The following SDK1 variants were observed in gnomAD, a reference collection of about 807,000 sequenced individuals.
SDK1 encodes sidekick cell adhesion molecule 1.
A neutral mutation model predicts 245.5 loss-of-function variants in SDK1; 157 were observed. The ratio of observed to expected loss-of-function variants is 0.64; its 90% CI spans 0.56 to 0.73. The LOEUF is 0.73. Ranked by LOEUF, SDK1 falls within the 30% of genes least tolerant of loss-of-function variation. The pLI, the probability that SDK1 is intolerant of heterozygous loss-of-function variation, is 0.00. For synonymous variants in SDK1, 1,647 were observed against 1,278.5 expected (o/e 1.29, Z -6.15); for missense variants, 3,583 against 3,002.3 (o/e 1.19, Z -4.52).
intron 4 of SDK1, among the ~76,000 whole-genome samples, chr7:3,803,708 C>A (rs990027500): frequency 2.7e-5 from 4 of 149,528 alleles, no homozygotes; most frequent in Admixed American, 2.7e-4. Flanking sequence ...TTGTGTTTTG[C>A]AGATATTTTC....
At position 4,201,268 on chromosome 7, in the gene SDK1, C is replaced by A. The variant is rs1783864759; in HGVS notation, c.5099-4611C>A. On this transcript the variant is annotated intron_variant, in intron 35 of 44. Transcript: ENST00000404826. ...TGATTCATTGAGAAGGCCTCCCGAGCTGCAGAGTCACCCAGAATGGAGCCT... is the reference window on the plus strand; with the variant it reads ...TGATTCATTGAGAAGGCCTCCCGAGATGCAGAGTCACCCAGAATGGAGCCT... 7.2e-5 allele frequency among the ~76,000 whole-genome samples: 11 copies of A among 152,330 alleles called. No individual in the cohort carries two copies. The South Asian group carries it at 2.3e-3, about 32-fold the overall frequency.
chr7:3,479,986 C>G lies in SDK1; in HGVS notation c.299-139094C>G, dbSNP rs142537486. Among the ~76,000 whole-genome samples, 539 of 152,142 alleles carry G rather than the reference C, an allele frequency of 3.5e-3. 6 individuals are homozygous for G. Among genetic ancestry groups the G allele is most frequent in the African/African-American group, 0.012 (515 of 41,484 alleles). Reference sequence around the variant, plus strand: ...AGGTACTGTGATAGGCAGAATAATGCCCCCTCACCTGTCCACGCCCAAAGT... The same window carrying G: ...AGGTACTGTGATAGGCAGAATAATGGCCCCTCACCTGTCCACGCCCAAAGT... On this transcript the variant is annotated intron_variant, in intron 1 of 44. Transcript: ENST00000404826.
intron 1 of SDK1, among the ~76,000 whole-genome samples, chr7:3,446,238 T>C (rs192454276): frequency 6.6e-6 from 1 of 152,278 alleles, no homozygotes; most frequent in Non-Finnish European, 1.5e-5. Context: ...GTATGCTGTC[T>C]GTAACCTTGA....
At chr7:4,125,160 A>ATGGATGGG (rs1441333674) in intron 25 of SDK1, among the ~76,000 whole-genome samples, 3 of 146,016 alleles carry the variant, frequency 2.1e-5, no homozygotes, top group Non-Finnish European at 4.5e-5. Flanking sequence ...TTATGGATGG[A>ATGGATGGG]TGGATGGGTG....
intron 1 of SDK1, among the ~76,000 whole-genome samples, chr7:3,302,647 C>G (rs78406837): frequency 0.045 from 6,349 of 141,112 alleles, 429 homozygotes; most frequent in African/African-American, 0.14. Context: ...CCGTAACGTA[C>G]CCCTGCCAGC....
chr7:3,958,327 G>GTT, intron 7 of SDK1: 11 of 249,338 alleles, frequency 4.4e-5, no homozygotes, highest in East Asian at 1.4e-4. Context: ...TACAACCACT[G>GTT]TTTTTTTTTC....
chr7:3,978,582 G>A (rs1176023079), intron 13 of SDK1, among the ~76,000 whole-genome samples: 2 of 152,120 alleles, frequency 1.3e-5, no homozygotes, highest in Non-Finnish European at 2.9e-5. Context: ...ATTGGGAAAG[G>A]TGTTCCTTCA....
chr7:3,991,085 G>A (rs11973168), intron 14 of SDK1, among the ~76,000 whole-genome samples: 2 of 152,268 alleles, frequency 1.3e-5, no homozygotes, highest in African/African-American at 2.4e-5. Flanking sequence ...CCTCCACGTC[G>A]CACGTTCCCG....
intron 5 of SDK1, among the ~76,000 whole-genome samples, chr7:3,885,753 C>T (rs887916287): frequency 6.6e-6 from 1 of 152,218 alleles, no homozygotes; most frequent in African/African-American, 2.4e-5. Flanking sequence ...CCATGCCAAG[C>T]TGCATTAGTT....
At chr7:3,380,033 C>T (rs948167363) in intron 1 of SDK1, among the ~76,000 whole-genome samples, 5 of 152,154 alleles carry the variant, frequency 3.3e-5, no homozygotes, top group Admixed American at 6.5e-5. Flanking sequence ...TATACCAATA[C>T]CAAAAACGTT....
chr7:4,101,469 C>T (rs549907800), intron 22 of SDK1, among the ~76,000 whole-genome samples: 2 of 152,286 alleles, frequency 1.3e-5, no homozygotes, highest in Admixed American at 1.3e-4. Context: ...TTTTTTAAAA[C>T]TCACCGATCT....
chr7:3,608,237 G>A lies in SDK1; in HGVS notation c.299-10843G>A, dbSNP rs928980217. Among the ~76,000 whole-genome samples the A allele has an allele frequency of 9.2e-5, 14 of 152,276 alleles. No homozygotes were observed. The South Asian group carries it at 2.5e-3, about 27-fold the overall frequency. ...AAATAAAATTATTAAAATATTCTGT[G>A]TCGAAATGTGAATTACATATAAACT... On this transcript the variant is annotated intron_variant, in intron 1 of 44. Coordinates refer to ENST00000404826, the MANE Select transcript of SDK1 (RefSeq NM_152744.4).
intron 1 of SDK1, among the ~76,000 whole-genome samples, chr7:3,409,313 T>C (rs919677295): frequency 1.9e-4 from 19 of 100,882 alleles, no homozygotes; most frequent in Non-Finnish European, 2.9e-4. Context: ...TTTTTTTTTT[T>C]GGATGCCTTT....
intron 22 of SDK1, among the ~76,000 whole-genome samples, chr7:4,101,475 G>A (rs989969504): frequency 3.3e-5 from 5 of 152,268 alleles, no homozygotes; most frequent in Non-Finnish European, 5.9e-5. Flanking sequence ...AAAACTCACC[G>A]ATCTGTCAAA....
At chr7:3,872,884 T>G (rs979738784) in intron 5 of SDK1, among the ~76,000 whole-genome samples, 2 of 152,124 alleles carry the variant, frequency 1.3e-5, no homozygotes, top group Non-Finnish European at 1.5e-5. Flanking sequence ...CCCTCTCCCA[T>G]TCCTTCTACT....
intron 19 of SDK1, 143 bp downstream of exon 19, chr7:4,051,973 A>C: frequency 1.5e-6 from 1 of 667,458 alleles, no homozygotes; most frequent in Non-Finnish European, 2.5e-6. Flanking sequence ...TCACCTAGGG[A>C]GATCAGGCAT....
chr7:4,063,365 A>G (rs561073892), intron 19 of SDK1, among the ~76,000 whole-genome samples: 1 of 152,290 alleles, frequency 6.6e-6, no homozygotes, highest in African/African-American at 2.4e-5. Context: ...TATAAAAGAA[A>G]AACATATCTA....
intron 14 of SDK1, among the ~76,000 whole-genome samples, chr7:3,991,730 G>A (rs936016730): frequency 1.3e-5 from 2 of 152,166 alleles, no homozygotes; most frequent in Non-Finnish European, 2.9e-5. Context: ...TACCATGGTT[G>A]CCTCCTGCCT....
At chr7:3,541,985 C>T (rs1375823324) in intron 1 of SDK1, among the ~76,000 whole-genome samples, 1 of 152,236 alleles carries the variant, frequency 6.6e-6, no homozygotes, top group Non-Finnish European at 1.5e-5. Flanking sequence ...AGCACATCAA[C>T]ATGGCACATG....
Sources: gnomAD v4.1 joint callset for allele counts (sites outside exome capture counted in the v4.1 genomes callset) on GRCh38, gnomAD v4.1.1 for gene constraint, MANE v1.5 for transcripts, NCBI Gene and HGNC (gene_info 2026-07-23, HGNC 2026-07-21) for gene names.